The following COL19A1 variants were observed in gnomAD, a reference collection of about 807,000 sequenced individuals.
COL19A1 encodes the protein collagen alpha-1(XIX) chain.
COL19A1 carries 159 observed loss-of-function variants against 190.2 expected under a neutral mutation model. The ratio of observed to expected loss-of-function variants is 0.84; its 90% CI spans 0.73 to 0.95. The LOEUF is 0.95. Among genes scored for constraint, COL19A1 ranks in the 40% least tolerant of loss-of-function variants. The pLI is 0.00. For missense variants in COL19A1, 1,418 were observed against 1,431.9 expected (o/e 0.99, Z 0.16); for synonymous variants, 509 against 458.9 (o/e 1.11, Z -1.39).
intron 9 of COL19A1, among the ~76,000 whole-genome samples, chr6:69,946,985 G>GTGCTT (rs1562024405): frequency 6.6e-6 from 1 of 151,812 alleles, no homozygotes; most frequent in Non-Finnish European, 1.5e-5. Context: ...GGCTGCCTTT[G>GTGCTT]TGCTTCATGG....
intron 4 of COL19A1, among the ~76,000 whole-genome samples, chr6:69,902,856 C>T (rs186726185): frequency 2.4e-3 from 368 of 152,298 alleles, no homozygotes; most frequent in African/African-American, 5.6e-3. Context: ...CAACCATCTA[C>T]GGTGAGGGGC....
chr6:69,993,148 T>TGAG (rs1334952234), intron 11 of COL19A1, among the ~76,000 whole-genome samples: 1 of 152,070 alleles, frequency 6.6e-6, no homozygotes, highest in African/African-American at 2.4e-5. Context: ...CCTAGTTTGT[T>TGAG]GAGGATTTTA....
chr6:70,170,758 A>G (rs185850697), intron 40 of COL19A1, among the ~76,000 whole-genome samples: 1 of 152,270 alleles, frequency 6.6e-6, no homozygotes, highest in East Asian at 1.9e-4. Flanking sequence ...GATTTCTGAA[A>G]CATAGAAAGC....
intron 15 of COL19A1, 71 bp downstream of exon 15, chr6:70,068,547 A>G (rs1468980174): frequency 2.0e-6 from 2 of 979,830 alleles, no homozygotes; most frequent in Non-Finnish European, 3.2e-6. Flanking sequence ...ACTAATGAAA[A>G]TGAAACCGAA....
At chr6:69,910,773 G>A (rs1321478971) in intron 4 of COL19A1, among the ~76,000 whole-genome samples, 2 of 152,102 alleles carry the variant, frequency 1.3e-5, no homozygotes, top group Non-Finnish European at 2.9e-5. Context: ...TTGTGTGAAT[G>A]TATCTGTGCA....
intron 14 of COL19A1, among the ~76,000 whole-genome samples, chr6:70,051,186 T>C (rs961641290): frequency 5.3e-5 from 8 of 152,160 alleles, no homozygotes; most frequent in Non-Finnish European, 1.5e-5. Flanking sequence ...CCCTCTATTT[T>C]ATCACATTAT....
intron 16 of COL19A1, among the ~76,000 whole-genome samples, chr6:70,108,222 A>G (rs974599535): frequency 3.3e-5 from 5 of 152,168 alleles, no homozygotes; most frequent in African/African-American, 1.2e-4. Context: ...AAAAGCGTTT[A>G]TTAAAAACCA....
intron 15 of COL19A1, among the ~76,000 whole-genome samples, chr6:70,083,229 A>T (rs1003298119): frequency 8.5e-5 from 13 of 152,148 alleles, no homozygotes; most frequent in Non-Finnish European, 1.9e-4. Flanking sequence ...TTCACTCATG[A>T]TTTTTTGTTT....
intron 30 of COL19A1, among the ~76,000 whole-genome samples, chr6:70,150,953 T>G (rs1787020638): frequency 6.6e-6 from 1 of 152,174 alleles, no homozygotes; most frequent in African/African-American, 2.4e-5. Flanking sequence ...TTCTTTGAAC[T>G]TCCATGAGAA....
rs553527986 is a variant in COL19A1, at chr6:70,086,386, TA to T, written c.1225-15781del. Among the ~76,000 whole-genome samples, 8 of 152,142 alleles carry T rather than the reference TA, an allele frequency of 5.3e-5. No individual in the cohort carries two copies. In the South Asian group the frequency reaches 1.7e-3, roughly 32 times the overall value. On this transcript the variant is annotated intron_variant, in intron 15 of 50. Coordinates refer to ENST00000620364, the MANE Select transcript of COL19A1 (RefSeq NM_001858.6). ...TTTAAGAGTACATGAAACAGAAAGA[TA>T]ATGTAAACTCGTGAGAGTAGTTATC...
At chr6:70,005,688 G>T (rs1294574569) in intron 11 of COL19A1, among the ~76,000 whole-genome samples, 2 of 152,184 alleles carry the variant, frequency 1.3e-5, no homozygotes, top group African/African-American at 4.8e-5. Context: ...CCTTGGTGGA[G>T]GGGGTGTGCT....
At chr6:69,894,322 T>C (rs2149964299) in intron 2 of COL19A1, among the ~76,000 whole-genome samples, 1 of 152,332 alleles carries the variant, frequency 6.6e-6, no homozygotes, top group African/African-American at 2.4e-5. Context: ...GCCTGGTTAT[T>C]CCATATGTCC....
intron 7 of COL19A1, among the ~76,000 whole-genome samples, chr6:69,933,714 C>G (rs926344957): frequency 3.3e-5 from 5 of 152,032 alleles, no homozygotes; most frequent in Non-Finnish European, 7.4e-5. Flanking sequence ...TCTTATATTA[C>G]TAGGTGTAAC....
At chr6:70,033,669 G>A (rs889475621) in intron 12 of COL19A1, among the ~76,000 whole-genome samples, 5 of 152,084 alleles carry the variant, frequency 3.3e-5, no homozygotes, top group Non-Finnish European at 7.4e-5. Context: ...GTCATATATA[G>A]TTTCATTTGA....
chr6:70,035,785 T>C, intron 13 of COL19A1, 119 bp from the exon 14 acceptor site: 1 of 746,720 alleles, frequency 1.3e-6, no homozygotes, highest in East Asian at 2.6e-5. Context: ...AGGATGAAGT[T>C]CTATTTTTCT....
intron 11 of COL19A1, among the ~76,000 whole-genome samples, chr6:69,964,567 T>C (rs1774985457): frequency 6.6e-6 from 1 of 152,182 alleles, no homozygotes; most frequent in South Asian, 2.1e-4. Flanking sequence ...AGCTCAATAA[T>C]AAATAGATTC....
rs947913882 is a variant in COL19A1 at position 70,146,565 on chromosome 6, G to A, written c.1771-94G>A. 5 of 882,134 alleles carry A rather than the reference G, an allele frequency of 5.7e-6. No individual in the cohort carries two copies. In the African/African-American group the frequency reaches 8.7e-5, roughly 15 times the overall value. The allele number at this position is 882,134 out of a possible 1,614,324, so 54.6% of individuals were successfully genotyped here. ...TATAGAAAAAGATTTATTCAAGCAA[G>A]ATGAAGAGTGATGAAACATATTTTA... On this transcript the variant is annotated intron_variant, in intron 25 of 50. Coordinates refer to ENST00000620364, the MANE Select transcript of COL19A1 (RefSeq NM_001858.6).
chr6:70,200,427 G>A (rs562535423), intron 49 of COL19A1, among the ~76,000 whole-genome samples: 1 of 152,222 alleles, frequency 6.6e-6, no homozygotes, highest in South Asian at 2.1e-4. Flanking sequence ...TGGCCAAATA[G>A]GCCCAGGCTT....
intron 33 of COL19A1, 84 bp from the exon 34 acceptor site, chr6:70,156,586 A>C: frequency 1.4e-6 from 2 of 1,435,388 alleles, no homozygotes; most frequent in South Asian, 1.2e-5. Context: ...TACATGCCCC[A>C]AGTGTTCTTA....
Sources: allele counts gnomAD v4.1 joint callset (sites outside exome capture counted in the v4.1 genomes callset), GRCh38; gene constraint gnomAD v4.1.1; transcripts MANE v1.5; gene names NCBI Gene and HGNC (gene_info 2026-07-23, HGNC 2026-07-21).